The following LAMA2 variants were observed in gnomAD, a reference collection of about 807,000 sequenced individuals.
The protein encoded by LAMA2 is laminin subunit alpha 2.
In LAMA2, 269 loss-of-function variants were observed where a neutral mutation model predicts 364.8. That is an observed-to-expected ratio of 0.74 (90% CI 0.67 to 0.82). The LOEUF (loss-of-function observed/expected upper bound fraction) is 0.82. Among genes scored for constraint, LAMA2 ranks in the 40% least tolerant of loss-of-function variants. The pLI is 0.00. For synonymous variants in LAMA2, 1,379 were observed against 1,370.6 expected (o/e 1.01, Z -0.14); for missense variants, 3,807 against 3,873.2 (o/e 0.98, Z 0.45).
Position 129,154,650 on chromosome 6 carries a change from G to A in LAMA2, c.1173G>A (p.Glu391=). ...AAAACACTGCTGGTATAAACTGCGAGACATGTACTGATGGCTTCTTCAGAC... is the reference window on the plus strand; with the variant it reads ...AAAACACTGCTGGTATAAACTGCGAAACATGTACTGATGGCTTCTTCAGAC... ...CTQNTAGINC[E]TCTDGFFRPK... The change falls in exon 8 of 65, where the codon GAG becomes GAA. Residue 391 remains glutamate, a synonymous_variant. Transcript: ENST00000421865. 6.2e-7 allele frequency: 1 copy of A among 1,614,020 alleles called. No homozygotes were observed. The highest frequency in any genetic ancestry group is 8.5e-7 in the Non-Finnish European group (1 of 1,179,960).
At chr6:129,251,030 GTCTCTCTCTTTCTCTCTCTCTCTC>G (rs1307831093) in intron 13 of LAMA2, among the ~76,000 whole-genome samples, 4 of 67,534 alleles carry the variant, frequency 5.9e-5, no homozygotes, top group Admixed American at 5.9e-4. Flanking sequence ...CTCTCTCTCT[GTCTCTCTCTTTCTCTCTCTCTCTC>G]TCTCTCTCTC....
chr6:129,468,579 T>C (rs938856269), intron 51 of LAMA2, among the ~76,000 whole-genome samples: 21 of 151,938 alleles, frequency 1.4e-4, no homozygotes, highest in African/African-American at 4.6e-4. Context: ...TGCAAACTTC[T>C]TACATAAAGT....
rs1554297879 is a variant in LAMA2 at position 129,442,208 on chromosome 6, A to T, written c.6269-855A>T. ...TGAGTGGGGAATGGAGCCTGATTTC[A>T]GCATCCTAGCCTCAAATCAAATCCT... On this transcript the variant is annotated intron_variant, in intron 43 of 64. Transcript: ENST00000421865. 1.5e-6 allele frequency: 2 copies of T among 1,320,420 alleles called. No homozygotes were observed. The highest frequency in any genetic ancestry group is 2.0e-6 in the Non-Finnish European group (2 of 995,816). 81.8% of individuals were successfully genotyped at this position (1,320,420 alleles called of 1,614,324 possible).
chr6:129,060,519 A>G (rs1171251330), intron 3 of LAMA2, among the ~76,000 whole-genome samples: 1 of 152,232 alleles, frequency 6.6e-6, no homozygotes, highest in Non-Finnish European at 1.5e-5. Flanking sequence ...ATTAATCAGG[A>G]ATCGCCAGCA....
intron 32 of LAMA2, among the ~76,000 whole-genome samples, chr6:129,361,240 G>A (rs1583574052): frequency 6.6e-6 from 1 of 151,952 alleles, no homozygotes; most frequent in East Asian, 1.9e-4. Context: ...GATGAACTTG[G>A]GCTCAGTGAG....
intron 1 of LAMA2, among the ~76,000 whole-genome samples, chr6:128,979,869 A>G (rs926105777): frequency 6.6e-6 from 1 of 152,244 alleles, no homozygotes; most frequent in East Asian, 1.9e-4. Flanking sequence ...TTTTTATGCT[A>G]AAGTGATTCA....
chr6:129,328,180 G>C (rs974793042), intron 28 of LAMA2, 98 bp from the exon 29 acceptor site: 2 of 1,046,262 alleles, frequency 1.9e-6, no homozygotes, highest in African/African-American at 1.6e-5. Context: ...CCGCAGGTGG[G>C]GGAAGGCCAG....
chr6:129,464,003 C>T (rs577667577), intron 49 of LAMA2, among the ~76,000 whole-genome samples: 28 of 152,038 alleles, frequency 1.8e-4, no homozygotes, highest in Non-Finnish European at 5.9e-5. Flanking sequence ...CTAAGACACC[C>T]TTAAGCATCA....
chr6:129,331,529 A>G (rs1157706398), intron 29 of LAMA2, among the ~76,000 whole-genome samples: 1 of 151,986 alleles, frequency 6.6e-6, no homozygotes, highest in Admixed American at 6.6e-5. Context: ...ACTCTTTTCT[A>G]TTACTTTGGA....
intron 40 of LAMA2, among the ~76,000 whole-genome samples, chr6:129,411,101 A>C (rs1780519125): frequency 6.6e-6 from 1 of 152,154 alleles, no homozygotes; most frequent in Non-Finnish European, 1.5e-5. Context: ...AAACACCCTC[A>C]CAGACACACC....
At chr6:128,976,560 T>C (rs1343374610) in intron 1 of LAMA2, among the ~76,000 whole-genome samples, 1 of 152,208 alleles carries the variant, frequency 6.6e-6, no homozygotes, top group East Asian at 1.9e-4. Context: ...GGGTGTACTC[T>C]ACATTTAAAT....
intron 1 of LAMA2, among the ~76,000 whole-genome samples, chr6:128,942,020 G>A (rs965587337): frequency 6.6e-6 from 1 of 152,136 alleles, no homozygotes; most frequent in Non-Finnish European, 1.5e-5. Context: ...GCAGCAAAAA[G>A]CAATCTCATT....
chr6:129,495,675 G>A (rs1249593196), intron 58 of LAMA2, among the ~76,000 whole-genome samples: 1 of 152,068 alleles, frequency 6.6e-6, no homozygotes, highest in African/African-American at 2.4e-5. Flanking sequence ...CAGCCTCCAT[G>A]GATCACCTTA....
At chr6:128,929,476 C>G in intron 1 of LAMA2, 1 of 838,028 alleles carries the variant, frequency 1.2e-6, no homozygotes, top group South Asian at 1.3e-5. Context: ...CTCCATTTGA[C>G]AGACAGACTC....
Position 129,346,996 on chromosome 6 carries a change from T to C in LAMA2, c.4437-2302T>C, listed in dbSNP as rs192378285. ...CTGCACTGGCCCTGAGACAGACCCATGCTTGGCAGATAACAGGAGGCCAGG... is the reference window on the plus strand; with the variant it reads ...CTGCACTGGCCCTGAGACAGACCCACGCTTGGCAGATAACAGGAGGCCAGG... On this transcript the variant is annotated intron_variant, in intron 30 of 64. Transcript: ENST00000421865. Among the ~76,000 whole-genome samples, 9 of 152,168 alleles carry C rather than the reference T, an allele frequency of 5.9e-5. No homozygotes were observed. The East Asian group carries it at 9.7e-4, about 16-fold the overall frequency.
At chr6:129,218,133 T>TTTAATATATCAAAAATGTGA (rs1405829423) in intron 12 of LAMA2, among the ~76,000 whole-genome samples, 1 of 152,154 alleles carries the variant, frequency 6.6e-6, no homozygotes, top group Non-Finnish European at 1.5e-5. Flanking sequence ...ACAATTAACT[T>TTTAATATATCAAAAATGTGA]TTAATATATC....
chr6:128,953,501 C>A (rs531036183), intron 1 of LAMA2, among the ~76,000 whole-genome samples: 6 of 151,870 alleles, frequency 4.0e-5, no homozygotes, highest in Non-Finnish European at 8.8e-5. Flanking sequence ...GGTCTGCTTG[C>A]CATCTTCCAA....
chr6:129,198,332 A>C (rs1402474965), intron 12 of LAMA2, among the ~76,000 whole-genome samples: 1 of 152,160 alleles, frequency 6.6e-6, no homozygotes, highest in Non-Finnish European at 1.5e-5. Flanking sequence ...CTAATAAACC[A>C]AGAAATCCAA....
intron 29 of LAMA2, among the ~76,000 whole-genome samples, chr6:129,335,269 T>C (rs1004982574): frequency 1.3e-5 from 2 of 152,086 alleles, no homozygotes; most frequent in African/African-American, 4.8e-5. Context: ...TTTTGAAGAC[T>C]AAAACCTATG....
Sources: gnomAD v4.1 joint callset for allele counts (sites outside exome capture counted in the v4.1 genomes callset) on GRCh38, gnomAD v4.1.1 for gene constraint, MANE v1.5 for transcripts, NCBI Gene and HGNC (gene_info 2026-07-23, HGNC 2026-07-21) for gene names.